POLR1A: variants seen among roughly 807,000 people sequenced by gnomAD.
The protein encoded by POLR1A is RNA polymerase I subunit A.
In POLR1A, 84 loss-of-function variants were observed where a neutral mutation model predicts 205.3. The ratio of observed to expected loss-of-function variants is 0.41; its 90% confidence interval spans 0.34 to 0.49. POLR1A has a LOEUF of 0.49. Ranked by LOEUF, POLR1A falls within the 20% of genes least tolerant of loss-of-function variation. POLR1A has a pLI of 0.22. For missense variants in POLR1A, 1,645 were observed against 2,204.5 expected, an observed-to-expected ratio of 0.75 and a Z score of 5.08; for synonymous variants, 799 against 863.7, an observed-to-expected ratio of 0.93 and a Z score of 1.31.
chr2:86,034,201 G>A (rs1473503467), intron 27 of POLR1A, among the ~76,000 whole-genome samples: 4 of 152,198 alleles, frequency 2.6e-5, no homozygotes, highest in East Asian at 3.8e-4. Flanking sequence ...TGTAGGTGCC[G>A]CTGTGGTCGT....
chr2:86,068,008 A>T (rs749784662), intron 13 of POLR1A, among the ~76,000 whole-genome samples: 6 of 152,084 alleles, frequency 3.9e-5, no homozygotes, highest in Non-Finnish European at 5.9e-5. Context: ...GCCCAACCTA[A>T]AACTCATAGG....
intron 27 of POLR1A, among the ~76,000 whole-genome samples, chr2:86,034,814 C>T (rs1174001739): frequency 2.0e-5 from 3 of 152,190 alleles, no homozygotes; most frequent in African/African-American, 7.2e-5. Context: ...CAAATGTATA[C>T]TATTTTGCTC....
At position 86,098,762 on chromosome 2, in the gene POLR1A, T is replaced by C; in HGVS notation, c.283-2A>G. On this transcript the variant is annotated splice_acceptor_variant, in intron 2 of 33. Coordinates refer to ENST00000263857, the MANE Select transcript of POLR1A (RefSeq NM_015425.6). LOFTEE classifies it high-confidence loss of function. ...GCCCCGAAGCAGCAGGTACAGCTTCTGAAGAGAGGGAATAAAAACAAACAG... is the reference window on the plus strand; with the variant it reads ...GCCCCGAAGCAGCAGGTACAGCTTCCGAAGAGAGGGAATAAAAACAAACAG... 6.2e-7 allele frequency: 1 copy of C among 1,613,870 alleles called. No homozygotes were observed.
intron 25 of POLR1A, 133 bp from the exon 26 acceptor site, chr2:86,039,595 T>G: frequency 9.4e-7 from 1 of 1,061,892 alleles, no homozygotes; most frequent in Non-Finnish European, 1.4e-6. Context: ...GATAATATGC[T>G]AGATCAGAGA....
At chr2:86,101,370 T>C (rs1169427171) in intron 1 of POLR1A, among the ~76,000 whole-genome samples, 1 of 152,162 alleles carries the variant, frequency 6.6e-6, no homozygotes, top group Admixed American at 6.5e-5. Context: ...TGTTAGTCTA[T>C]CAGGAACTAA....
intron 3 of POLR1A, among the ~76,000 whole-genome samples, chr2:86,095,894 A>T (rs1185913601): frequency 1.3e-5 from 2 of 151,872 alleles, no homozygotes; most frequent in Non-Finnish European, 2.9e-5. Flanking sequence ...CCCCCAGCTA[A>T]TTTTTTTGTA....
rs67036891 is a variant in POLR1A, at chr2:86,041,210, C to CTG, written c.3573-653_3573-652dup. On this transcript the variant is annotated intron_variant, in intron 24 of 33. Coordinates refer to ENST00000263857, the MANE Select transcript of POLR1A (RefSeq NM_015425.6). ...GTGTGTGCGCGCTGAGCTACAGTGT[C>CTG]TGTGTGTGTGTGTGTGTGTGCTGAG... Among the ~76,000 whole-genome samples the CTG allele has an allele frequency of 2.4e-3, 272 of 114,518 alleles. 1 individual carries two copies. The highest frequency in any genetic ancestry group is 5.9e-3 in the African/African-American group (148 of 24,994). 75.1% of individuals were successfully genotyped at this position (114,518 alleles called of 152,430 possible).
At chr2:86,030,431 C>G in intron 30 of POLR1A, 35 bp from the exon 31 acceptor site, 1 of 1,443,724 alleles carries the variant, frequency 6.9e-7, no homozygotes. Context: ...AGGGTGACAG[C>G]TACTCCAGTC....
rs1690147258 is a variant in POLR1A at position 86,021,940 on chromosome 2, T to C, written c.*5483A>G. 1 of 152,256 alleles carries C rather than the reference T, an allele frequency of 6.6e-6. No individual in the cohort carries two copies. The highest frequency in any genetic ancestry group is 1.5e-5 in the Non-Finnish European group (1 of 68,054). 9.4% of individuals were successfully genotyped at this position (152,256 alleles called of 1,614,324 possible). A position where few individuals can be genotyped will look rare whatever the true frequency, so the allele number is the denominator to read the frequency against. Reference sequence around the variant, plus strand: ...GCACATGCACATGAAGCCTGCTGGGTACCTCAACCCAGGCAGTTACCCAGG... The same window carrying C: ...GCACATGCACATGAAGCCTGCTGGGCACCTCAACCCAGGCAGTTACCCAGG... On this transcript the variant is annotated 3_prime_UTR_variant, in exon 34 of 34. Coordinates refer to ENST00000263857, the MANE Select transcript of POLR1A (RefSeq NM_015425.6).
chr2:86,096,099 A>G (rs1673697720), intron 3 of POLR1A, among the ~76,000 whole-genome samples: 1 of 152,146 alleles, frequency 6.6e-6, no homozygotes. Flanking sequence ...AAACTCAGTA[A>G]AGTTGCAGGA....
chr2:86,064,402 A>C (rs1435768826), intron 14 of POLR1A, among the ~76,000 whole-genome samples: 1 of 152,164 alleles, frequency 6.6e-6, no homozygotes, highest in African/African-American at 2.4e-5. Context: ...CAGCAGAAGA[A>C]CATATTTTAC....
At chr2:86,047,082 G>C in intron 19 of POLR1A, 83 bp downstream of exon 19, 2 of 867,190 alleles carry the variant, frequency 2.3e-6, no homozygotes. Flanking sequence ...TGTTTTATAG[G>C]GAACAAACTG....
At chr2:86,045,970 T>C (rs560076897) in intron 19 of POLR1A, among the ~76,000 whole-genome samples, 2 of 152,354 alleles carry the variant, frequency 1.3e-5, no homozygotes, top group South Asian at 4.1e-4. Flanking sequence ...TTGACTGATC[T>C]GGATTTTCAC....
At position 86,047,235 on chromosome 2, in the gene POLR1A, T is replaced by G; in HGVS notation, c.2663A>C (p.Gln888Pro). The G allele has an allele frequency of 6.2e-7, 1 of 1,614,046 alleles. No individual in the cohort carries two copies. Among genetic ancestry groups the G allele is most frequent in the Non-Finnish European group, 8.5e-7 (1 of 1,179,888 alleles). The part of the protein sequence containing the change: ...KACMPFGLHR[Q>P]FPENSLQMMV... ...CATCTGCAGGCTGTTCTCTGGGAAC[T>G]GTCTGTGTAGGCCAAAAGGCATGCA... The change falls in exon 19 of 34, where the codon CAG becomes CCG. Residue 888 changes from glutamine to proline, a missense_variant. Gln to Pro is a moderately conservative substitution (Grantham distance 76). Around this residue, in one of 16 missense-constraint regions of POLR1A, gnomAD observed 339 missense variants for 415.1 expected, o/e 0.82. Transcript: ENST00000263857.
chr2:86,085,335 C>A (rs899756407), intron 6 of POLR1A, among the ~76,000 whole-genome samples: 1 of 152,222 alleles, frequency 6.6e-6, no homozygotes, highest in Admixed American at 6.5e-5. Flanking sequence ...CAAAGCAGAA[C>A]TGCTAAGTCA....
chr2:86,081,062 G>A (rs1471381919), intron 8 of POLR1A, 84 bp from the exon 9 acceptor site: 2 of 1,267,748 alleles, frequency 1.6e-6, no homozygotes, highest in Admixed American at 2.0e-5. Flanking sequence ...GCCTACTGTA[G>A]GGAGCACACC....
intron 6 of POLR1A, among the ~76,000 whole-genome samples, chr2:86,084,628 G>C (rs1673467980): frequency 1.3e-5 from 2 of 149,678 alleles, no homozygotes; most frequent in African/African-American, 4.9e-5. Context: ...AATAGCCTAA[G>C]ATAGTCTACA....
chr2:86,040,253 C>A (rs1270235770), intron 25 of POLR1A, 139 bp downstream of exon 25: 1 of 690,026 alleles, frequency 1.4e-6, no homozygotes, highest in Non-Finnish European at 2.1e-6. Context: ...CTGATCCCCA[C>A]TTTAATGAGA....
chr2:86,087,983 G>A (rs2104427568), intron 6 of POLR1A, among the ~76,000 whole-genome samples: 1 of 152,250 alleles, frequency 6.6e-6, no homozygotes, highest in East Asian at 1.9e-4. Flanking sequence ...GACCACTTCA[G>A]AATAAAAACC....
Sources: gnomAD v4.1 joint callset for allele counts (sites outside exome capture counted in the v4.1 genomes callset) on GRCh38, gnomAD v4.1.1 for gene constraint, gnomAD v4.1.1 regional missense constraint, MANE v1.5 for transcripts, NCBI Gene and HGNC (gene_info 2026-07-23, HGNC 2026-07-21) for gene names.